The following USP33 variants were observed in gnomAD, a reference collection of about 807,000 sequenced individuals.
USP33 encodes the protein ubiquitin specific peptidase 33.
In USP33, 46 loss-of-function variants were observed where a neutral mutation model predicts 124.2. The observed-to-expected ratio is 0.37, with a 90% CI of 0.29 to 0.47. The LOEUF (loss-of-function observed/expected upper bound fraction) is 0.47, where lower values mean the gene tolerates loss of function less well. USP33 is among the 20% of genes least tolerant of loss of function. The pLI, the probability that USP33 is intolerant of heterozygous loss-of-function variation, is 0.99. For synonymous variants in USP33, 350 were observed against 352.3 expected, an observed-to-expected ratio of 0.99 and a Z score of 0.07; for missense variants, 851 against 1,070.6, an observed-to-expected ratio of 0.79 and a Z score of 2.86.
At chr1:77,697,601 G>C in intron 23 of USP33, 127 bp from the exon 24 acceptor site, 1 of 1,144,482 alleles carries the variant, frequency 8.7e-7, no homozygotes, top group African/African-American at 1.6e-5. Context: ...TGAATCTGCA[G>C]ACTACCAGCC....
rs890527886 is a variant in USP33 at position 77,759,812 on chromosome 1, G to C, written c.-221C>G. 5.0e-6 allele frequency: 2 copies of C among 397,090 alleles called. No individual in the cohort carries two copies. The highest frequency in any genetic ancestry group is 4.1e-5 in the African/African-American group (2 of 48,566). 24.6% of individuals were successfully genotyped at this position (397,090 alleles called of 1,614,324 possible). A position where few individuals can be genotyped will look rare whatever the true frequency, so the allele number is the denominator to read the frequency against. The stretch of plus-strand genomic sequence containing the variant: ...CCTCGGGGGGTCCGCCTCCTGAACT[G>C]GCCACTTCCCGCAGCAGCCGCGGCT... On this transcript the variant is annotated 5_prime_UTR_variant, in exon 1 of 24. Transcript: ENST00000370794.
chr1:77,736,176 A>G lies in USP33; in HGVS notation c.352-18T>C. 1 of 1,541,462 alleles carries G rather than the reference A, an allele frequency of 6.5e-7. No individual in the cohort carries two copies. The highest frequency in any genetic ancestry group is 8.9e-7 in the Non-Finnish European group (1 of 1,121,334). ...TTAAAATCCTTGATAACAAAAAAAG[A>G]TAGCACACTTGAACAAATCCTTAAA... On this transcript the variant is annotated intron_variant, in intron 5 of 23. Coordinates refer to ENST00000370794, the MANE Select transcript of USP33 (RefSeq NM_201624.3).
In USP33 at chr1:77,741,718, G is replaced by A; in HGVS notation, c.-21C>T. 6.2e-7 allele frequency: 1 copy of A among 1,603,368 alleles called. No homozygotes were observed. Among genetic ancestry groups the A allele is most frequent in the African/African-American group, 1.3e-5 (1 of 74,688 alleles). ...GACATTTTGTTAGGAATTTTTTCCT[G>A]TTTCCCAAGACTTTCAAAATGAGGT... On this transcript the variant is annotated 5_prime_UTR_variant, in exon 2 of 24. Transcript: ENST00000370794.
intron 22 of USP33, 137 bp from the exon 23 acceptor site, chr1:77,698,068 CTTTTT>C: frequency 1.6e-5 from 7 of 428,712 alleles, no homozygotes; most frequent in African/African-American, 2.2e-5. Flanking sequence ...ATAGTTAATT[CTTTTT>C]TTTTTTTTTT....
chr1:77,750,672 G>GAAAGAA (rs1476874818), intron 1 of USP33, among the ~76,000 whole-genome samples: 1 of 147,698 alleles, frequency 6.8e-6, no homozygotes, highest in Non-Finnish European at 1.5e-5. Context: ...AAGAAAGAAA[G>GAAAGAA]AAAGAAAGAA....
intron 21 of USP33, among the ~76,000 whole-genome samples, chr1:77,704,551 A>G (rs543927340): frequency 5.9e-5 from 9 of 152,220 alleles, no homozygotes; most frequent in Non-Finnish European, 8.8e-5. Flanking sequence ...CTAGTTCTGG[A>G]AAATTTATCT....
At chr1:77,714,557 T>C in intron 19 of USP33, 57 bp downstream of exon 19, 2 of 1,555,194 alleles carry the variant, frequency 1.3e-6, no homozygotes, top group African/African-American at 1.4e-5. Context: ...CTCTCCTAAT[T>C]TGCAAATTAT....
intron 21 of USP33, among the ~76,000 whole-genome samples, chr1:77,709,271 G>C (rs918483865): frequency 2.0e-5 from 3 of 152,168 alleles, no homozygotes; most frequent in African/African-American, 7.2e-5. Flanking sequence ...AGCTTTGGGA[G>C]GCAGAGGCAG....
chr1:77,706,974 C>T lies in USP33; in HGVS notation c.2406+4773G>A, dbSNP rs1674702822. 2.6e-5 allele frequency among the ~76,000 whole-genome samples: 4 copies of T among 152,196 alleles called. No homozygotes were observed. In the South Asian group the frequency reaches 8.3e-4, roughly 32 times the overall value. ...AATTTGACTGGACTAAAAGTTGAGA[C>T]AGCCCCCTGGCCATTTTGAGTTTCT... On this transcript the variant is annotated intron_variant, in intron 21 of 23. Coordinates refer to ENST00000370794, the MANE Select transcript of USP33 (RefSeq NM_201624.3).
At chr1:77,723,520 C>T in intron 11 of USP33, 77 bp from the exon 12 acceptor site, 4 of 954,158 alleles carry the variant, frequency 4.2e-6, no homozygotes, top group Non-Finnish European at 6.2e-6. Context: ...TTTGTCTTGT[C>T]AATCTTACTT....
intron 1 of USP33, among the ~76,000 whole-genome samples, chr1:77,751,509 T>C (rs1290951425): frequency 1.3e-5 from 2 of 151,740 alleles, no homozygotes; most frequent in East Asian, 3.9e-4. Flanking sequence ...ATACAAAAAT[T>C]ACCCAGGCCT....
chr1:77,750,504 G>A (rs1263359826), intron 1 of USP33, among the ~76,000 whole-genome samples: 4 of 151,254 alleles, frequency 2.6e-5, no homozygotes, highest in Admixed American at 6.6e-5. Flanking sequence ...GCGTGGTGGT[G>A]CACACCTGTA....
At chr1:77,700,538 T>C (rs911712784) in intron 22 of USP33, among the ~76,000 whole-genome samples, 5 of 152,056 alleles carry the variant, frequency 3.3e-5, no homozygotes, top group African/African-American at 1.2e-4. Flanking sequence ...GGGCTGAGAG[T>C]TCAGGGCTGC....
chr1:77,725,671 A>C lies in USP33; in HGVS notation c.1227T>G (p.Pro409=). The change falls in exon 11 of 24, where the codon CCT becomes CCG. Residue 409 remains proline (P), a synonymous_variant. Coordinates refer to ENST00000370794, the MANE Select transcript of USP33 (RefSeq NM_201624.3). ...CTGGCCACAAATTGCCTGATTTAGG[A>C]GGGCTTGCCGATAAACGTGGATTAA... ...EGVNPRLSAS[P]PKSGNLWPGL... is the part of the protein sequence containing the mutation. The C allele has an allele frequency of 6.2e-7, 1 of 1,614,166 alleles. No homozygotes were observed. The highest frequency in any genetic ancestry group is 8.5e-7 in the Non-Finnish European group (1 of 1,180,020).
At chr1:77,706,584 C>T (rs1674655640) in intron 21 of USP33, among the ~76,000 whole-genome samples, 1 of 152,154 alleles carries the variant, frequency 6.6e-6, no homozygotes, top group African/African-American at 2.4e-5. Context: ...TTGGCTCTGA[C>T]CATGGAAGTC....
chr1:77,747,934 T>G (rs1043063463), intron 1 of USP33, among the ~76,000 whole-genome samples: 9 of 152,234 alleles, frequency 5.9e-5, no homozygotes, highest in African/African-American at 2.2e-4. Flanking sequence ...ACTGGATTTC[T>G]GGATTCTCTA....
chr1:77,732,137 G>T (rs1677897236), intron 7 of USP33, among the ~76,000 whole-genome samples: 1 of 150,186 alleles, frequency 6.7e-6, no homozygotes, highest in Admixed American at 6.6e-5. Flanking sequence ...CCAGAATTCT[G>T]CTAGTACTTA....
intron 22 of USP33, among the ~76,000 whole-genome samples, chr1:77,698,792 G>A (rs1369870237): frequency 6.6e-6 from 1 of 152,010 alleles, no homozygotes; most frequent in Non-Finnish European, 1.5e-5. Context: ...GAGCCACCAC[G>A]CCCGGCCCAG....
rs1676276550 is a variant in USP33, at chr1:77,719,178, G to A, written c.1692-537C>T. 3.3e-5 allele frequency among the ~76,000 whole-genome samples: 5 copies of A among 151,526 alleles called. No homozygotes were observed. In the South Asian group the frequency reaches 1.0e-3, roughly 32 times the overall value. ...GATGGAGACCATCCTGGCCAACATG[G>A]TGAAACCCCATGTCTACTAAAATAC... On this transcript the variant is annotated intron_variant, in intron 15 of 23. Transcript: ENST00000370794.
Sources: gnomAD v4.1 joint callset for allele counts (sites outside exome capture counted in the v4.1 genomes callset) on GRCh38, gnomAD v4.1.1 for gene constraint, MANE v1.5 for transcripts, NCBI Gene and HGNC (gene_info 2026-07-23, HGNC 2026-07-21) for gene names.